ADGRD1: variants seen among roughly 807,000 people sequenced by gnomAD.
ADGRD1 encodes the protein adhesion G protein-coupled receptor D1.
A neutral mutation model predicts 113.4 loss-of-function variants in ADGRD1; 77 were observed. That is an observed-to-expected ratio of 0.68 (90% CI 0.57 to 0.82). The LOEUF is 0.82. ADGRD1 is among the 40% of genes least tolerant of loss of function. The pLI, the probability that ADGRD1 is intolerant of heterozygous loss-of-function variation, is 0.00. For missense variants in ADGRD1, 1,036 were observed against 1,139.1 expected (o/e 0.91, Z 1.30); for synonymous variants, 474 against 475.0 (o/e 1.00, Z 0.03).
At position 131,027,200 on chromosome 12, in the gene ADGRD1, G is replaced by GCA. The variant is rs1260200571; in HGVS notation, c.1473+12867_1473+12868dup. On this transcript the variant is annotated intron_variant, in intron 13 of 24. Transcript: ENST00000261654. The surrounding 1 kb of genome is among the most constrained non-coding windows in gnomAD (Gnocchi z 5.1). ...GGCTGTTTAAATAACACACACACAC[G>GCA]CACACACATGCACACACACATAGCC... The GCA allele has an allele frequency of 2.0e-5, 3 of 151,956 alleles. No homozygotes were observed. Among genetic ancestry groups the GCA allele is most frequent in the African/African-American group, 7.3e-5 (3 of 41,352 alleles). 9.4% of individuals were successfully genotyped at this position (151,956 alleles called of 1,614,324 possible).
At chr12:131,031,838 A>G (rs1156436223) in intron 13 of ADGRD1, among the ~76,000 whole-genome samples, 1 of 151,670 alleles carries the variant, frequency 6.6e-6, no homozygotes, top group Non-Finnish European at 1.5e-5. Context: ...TTCTGCCAAC[A>G]CTCGGAAACC....
chr12:130,990,997 A>G lies in ADGRD1; in HGVS notation c.746-17A>G, dbSNP rs751278688. The G allele has an allele frequency of 4.3e-6, 7 of 1,611,984 alleles. No homozygotes were observed. In the South Asian group the frequency reaches 7.7e-5, roughly 18 times the overall value. On this transcript the variant is annotated splice_polypyrimidine_tract_variant and intron_variant, in intron 6 of 24. Coordinates refer to ENST00000261654, the MANE Select transcript of ADGRD1 (RefSeq NM_198827.5). The stretch of plus-strand genomic sequence containing the variant: ...GTGACCATGTTTTAGTCCTTAATCC[A>G]GCATTGTTTCTTCCAGGAAAGCATG...
At chr12:131,088,679 G>A (rs1886676849) in intron 15 of ADGRD1, among the ~76,000 whole-genome samples, 1 of 152,186 alleles carries the variant, frequency 6.6e-6, no homozygotes, top group East Asian at 1.9e-4. Context: ...CAGGAGGCGG[G>A]GAGCAGGAGA....
chr12:131,076,593 T>G (rs1593170773), intron 13 of ADGRD1, among the ~76,000 whole-genome samples: 2 of 148,460 alleles, frequency 1.3e-5, no homozygotes, highest in African/African-American at 5.0e-5. Flanking sequence ...GGCCCTTGGG[T>G]GGGTTGGGGA....
In ADGRD1 at chr12:131,003,250, C is replaced by A. The variant is rs769599446; in HGVS notation, c.1092C>A (p.Asn364Lys). The A allele has an allele frequency of 1.2e-6, 2 of 1,614,100 alleles. No homozygotes were observed. The highest frequency in any genetic ancestry group is 1.1e-5 in the South Asian group (1 of 91,088). The change falls in exon 10 of 25, where the codon AAC becomes AAA. Residue 364 changes from asparagine to lysine, a missense_variant. Transcript: ENST00000261654. This position sits in a 1 kb window ranked among gnomAD's most constrained non-coding sequence, Gnocchi z 4.8. ...CCGTCATGGGCCATGTATCCTCCAA[C>A]CTGCACGGCAGCACGCCCCAGGTCA... ...IDTVMGHVSS[N>K]LHGSTPQVTV...
intron 7 of ADGRD1, among the ~76,000 whole-genome samples, chr12:130,991,717 C>T (rs1424559121): frequency 6.6e-6 from 1 of 152,108 alleles, no homozygotes; most frequent in Non-Finnish European, 1.5e-5. Context: ...AAACATTTGA[C>T]CAGCTGGGTG....
At chr12:131,042,529 C>G (rs1301522988) in intron 13 of ADGRD1, among the ~76,000 whole-genome samples, 3 of 152,244 alleles carry the variant, frequency 2.0e-5, no homozygotes, top group Non-Finnish European at 4.4e-5. Context: ...GACTTCATGT[C>G]TATACGTCCT....
At position 130,984,800 on chromosome 12, in the gene ADGRD1, C is replaced by T. The variant is rs1470967726; in HGVS notation, c.491-2295C>T. Reference sequence around the variant, plus strand: ...CCCTCCTCTCTCTTTTCCTTCTTTCCCTCCCTCCCTTCCTCCCTCCCTTCC... The same window carrying T: ...CCCTCCTCTCTCTTTTCCTTCTTTCTCTCCCTCCCTTCCTCCCTCCCTTCC... On this transcript the variant is annotated intron_variant, in intron 5 of 24. Transcript: ENST00000261654. This position sits in a 1 kb window ranked among gnomAD's most constrained non-coding sequence, Gnocchi z 4.1. Among the ~76,000 whole-genome samples, 4 of 149,316 alleles carry T rather than the reference C, an allele frequency of 2.7e-5. No homozygotes were observed. The East Asian group carries it at 7.8e-4, about 29-fold the overall frequency.
chr12:131,053,261 C>T (rs889890158), intron 13 of ADGRD1, among the ~76,000 whole-genome samples: 2 of 152,250 alleles, frequency 1.3e-5, no homozygotes, highest in African/African-American at 4.8e-5. Context: ...CTGTCTGCTT[C>T]CACTTCCCTG....
Position 130,954,353 on chromosome 12 carries a change from C to T in ADGRD1, c.-113C>T, listed in dbSNP as rs1869249781. The T allele has an allele frequency of 2.2e-6, 2 of 916,268 alleles. No homozygotes were observed. The highest frequency in any genetic ancestry group is 2.6e-5 in the Admixed American group (1 of 38,666). 56.8% of individuals were successfully genotyped at this position (916,268 alleles called of 1,614,324 possible). A position where few individuals can be genotyped will look rare whatever the true frequency, so the allele number is the denominator to read the frequency against. ...ACTTTAAGGAGACAGAAATTTTCTCCCCTGGAACCTGTGAAAATGTCCCTT... is the reference window on the plus strand; with the variant it reads ...ACTTTAAGGAGACAGAAATTTTCTCTCCTGGAACCTGTGAAAATGTCCCTT... On this transcript the variant is annotated 5_prime_UTR_variant, in exon 1 of 25. Transcript: ENST00000261654. This position sits in a 1 kb window ranked among gnomAD's most constrained non-coding sequence, Gnocchi z 4.7.
At chr12:131,032,167 CCCCAGG>C (rs1880840623) in intron 13 of ADGRD1, among the ~76,000 whole-genome samples, 1 of 149,280 alleles carries the variant, frequency 6.7e-6, no homozygotes, top group Non-Finnish European at 1.5e-5. Flanking sequence ...CACAGGGCTC[CCCCAGG>C]CTCTACTGAA....
chr12:131,107,380 C>T (rs1950258019), intron 17 of ADGRD1, among the ~76,000 whole-genome samples: 1 of 151,268 alleles, frequency 6.6e-6, no homozygotes, highest in South Asian at 2.1e-4. Flanking sequence ...GTCCCGCTCT[C>T]CCAGAGACCC....
chr12:131,089,882 G>A (rs1886788763), intron 15 of ADGRD1, among the ~76,000 whole-genome samples: 1 of 152,278 alleles, frequency 6.6e-6, no homozygotes, highest in African/African-American at 2.4e-5. Flanking sequence ...TGGAGCATCA[G>A]CTGCCTGGGA....
intron 20 of ADGRD1, 71 bp from the exon 21 acceptor site, chr12:131,131,654 C>T: frequency 2.7e-6 from 3 of 1,092,868 alleles, no homozygotes; most frequent in South Asian, 2.6e-5. Flanking sequence ...AGGGCAGTGG[C>T]CAGGCGGACG....
At position 131,139,347 on chromosome 12, in the gene ADGRD1, C is replaced by G; in HGVS notation, c.*84C>G. ...GAAATGCCCCACCTTTGCCCATGGA[C>G]CCTCTCCTTGCTGCTGTCTGGACAT... On this transcript the variant is annotated 3_prime_UTR_variant, in exon 25 of 25. Transcript: ENST00000261654. 2 of 922,648 alleles carry G rather than the reference C, an allele frequency of 2.2e-6. No homozygotes were observed. Among genetic ancestry groups the G allele is most frequent in the Non-Finnish European group, 3.4e-6 (2 of 590,218 alleles). The allele number at this position is 922,648 out of a possible 1,614,324, so 57.2% of individuals were successfully genotyped here.
rs546506802 is a variant in ADGRD1, at chr12:131,032,373, T to G, written c.1473+18033T>G. ...TCATCTCACGGGTTCTGACGCCTGC[T>G]TTGAAAATTCAGCGTAGTAGGAGGT... On this transcript the variant is annotated intron_variant, in intron 13 of 24. Coordinates refer to ENST00000261654, the MANE Select transcript of ADGRD1 (RefSeq NM_198827.5). Among the ~76,000 whole-genome samples, 21 of 152,354 alleles carry G rather than the reference T, an allele frequency of 1.4e-4. No homozygotes were observed. The South Asian group carries it at 4.1e-3, about 30-fold the overall frequency.
chr12:131,006,198 C>T (rs1157368975), intron 12 of ADGRD1, 151 bp downstream of exon 12: 16 of 706,150 alleles, frequency 2.3e-5, no homozygotes, highest in East Asian at 8.1e-5. Context: ...AAACGTGAAG[C>T]GTTTTGAAGG....
chr12:130,971,875 T>C lies in ADGRD1; in HGVS notation c.310+295T>C, dbSNP rs1352278921. Among the ~76,000 whole-genome samples the C allele has an allele frequency of 6.6e-6, 1 of 152,138 alleles. No individual in the cohort carries two copies. The highest frequency in any genetic ancestry group is 1.5e-5 in the Non-Finnish European group (1 of 68,028). On this transcript the variant is annotated intron_variant, in intron 4 of 24. Transcript: ENST00000261654. This position sits in a 1 kb window ranked among gnomAD's most constrained non-coding sequence, Gnocchi z 4.2. ...TTCCTAAAAAACAGACACAGCGATG[T>C]CACAGTGGGGACTGGACAGGGCCGT...
intron 24 of ADGRD1, among the ~76,000 whole-genome samples, chr12:131,138,705 G>A (rs949849475): frequency 2.6e-5 from 4 of 152,112 alleles, no homozygotes; most frequent in Non-Finnish European, 4.4e-5. Context: ...CTCCGCCCCC[G>A]CCCGCAGCTG....
Sources: gnomAD v4.1 joint callset for allele counts (sites outside exome capture counted in the v4.1 genomes callset) on GRCh38, gnomAD v4.1.1 for gene constraint, Gnocchi (gnomAD v3.1) non-coding constraint, MANE v1.5 for transcripts, NCBI Gene and HGNC (gene_info 2026-07-23, HGNC 2026-07-21) for gene names.